The following KCNAB1 variants were observed in gnomAD, a reference collection of about 807,000 sequenced individuals.
The protein encoded by KCNAB1 is potassium voltage-gated channel subfamily A regulatory beta subunit 1.
In KCNAB1, 35 loss-of-function variants were observed where a neutral mutation model predicts 64.6. The observed-to-expected ratio is 0.54, with a 90% confidence interval of 0.41 to 0.72. KCNAB1 has a LOEUF of 0.72. Ranked by LOEUF, KCNAB1 falls within the 30% of genes least tolerant of loss-of-function variation. The pLI is 0.00. For missense variants in KCNAB1, 401 were observed against 512.9 expected, an observed-to-expected ratio of 0.78 and a Z score of 2.11; for synonymous variants, 177 against 183.8, an observed-to-expected ratio of 0.96 and a Z score of 0.30.
chr3:156,538,540 T>C lies in KCNAB1; in HGVS notation c.*1793T>C, dbSNP rs1221816369. On this transcript the variant is annotated 3_prime_UTR_variant, in exon 14 of 14. Transcript: ENST00000490337. ...ATAGAGGAGCTGAGGTGCTGTCTAA[T>C]GGGAAATGTGATTTGATTGATTTAT... The C allele has an allele frequency of 1.3e-5, 2 of 152,250 alleles. No homozygotes were observed. Among genetic ancestry groups the C allele is most frequent in the Non-Finnish European group, 2.9e-5 (2 of 68,028 alleles). 9.4% of individuals were successfully genotyped at this position (152,250 alleles called of 1,614,324 possible).
chr3:156,466,008 A>T (rs951821075), intron 7 of KCNAB1, among the ~76,000 whole-genome samples: 6 of 152,198 alleles, frequency 3.9e-5, no homozygotes, highest in African/African-American at 1.4e-4. Flanking sequence ...TTACCCATTT[A>T]AAGTGTACAT....
chr3:156,439,773 A>T (rs1469780688), intron 2 of KCNAB1, among the ~76,000 whole-genome samples: 1 of 152,210 alleles, frequency 6.6e-6, no homozygotes, highest in Non-Finnish European at 1.5e-5. Context: ...CCCTGGTGCC[A>T]GCAGGAAGAG....
At chr3:156,388,334 G>A (rs764021842) in intron 1 of KCNAB1, among the ~76,000 whole-genome samples, 37 of 152,336 alleles carry the variant, frequency 2.4e-4, no homozygotes, top group Non-Finnish European at 4.4e-4. Context: ...GAAGGTTGAT[G>A]AAGGCTCTGA....
At chr3:156,161,578 G>C (rs1346139026) in intron 1 of KCNAB1, among the ~76,000 whole-genome samples, 1 of 152,098 alleles carries the variant, frequency 6.6e-6, no homozygotes, top group East Asian at 1.9e-4. Context: ...GCTGATTTTG[G>C]ATCTAACTAG....
chr3:156,146,424 A>G (rs1441929070), intron 1 of KCNAB1, among the ~76,000 whole-genome samples: 1 of 152,228 alleles, frequency 6.6e-6, no homozygotes, highest in East Asian at 1.9e-4. Context: ...GCCTGAGTCA[A>G]GGTTAAAATA....
At chr3:156,182,568 T>C (rs974861541) in intron 1 of KCNAB1, among the ~76,000 whole-genome samples, 8 of 152,224 alleles carry the variant, frequency 5.3e-5, no homozygotes, top group Non-Finnish European at 8.8e-5. Context: ...TCCATTTTCT[T>C]AAGAAAATCA....
chr3:156,178,326 C>A (rs1000838400), intron 1 of KCNAB1, among the ~76,000 whole-genome samples: 1 of 152,286 alleles, frequency 6.6e-6, no homozygotes, highest in Admixed American at 6.5e-5. Flanking sequence ...GCAAGGAGAC[C>A]TCTACAATGA....
chr3:156,269,219 A>T (rs1718892821), intron 1 of KCNAB1, among the ~76,000 whole-genome samples: 1 of 152,138 alleles, frequency 6.6e-6, no homozygotes, highest in South Asian at 2.1e-4. Context: ...ATTGGTATAT[A>T]TGTCTGTTTT....
At chr3:156,153,768 G>A (rs1053389833) in intron 1 of KCNAB1, among the ~76,000 whole-genome samples, 13 of 152,166 alleles carry the variant, frequency 8.5e-5, no homozygotes, top group Non-Finnish European at 1.6e-4. Context: ...TGAGCCTTCC[G>A]GCTTTTGGGT....
At chr3:156,179,477 C>T (rs1412868796) in intron 1 of KCNAB1, among the ~76,000 whole-genome samples, 1 of 122,466 alleles carries the variant, frequency 8.2e-6, no homozygotes, top group Non-Finnish European at 1.6e-5. Context: ...GCTAATTGCT[C>T]GTTATTTCAC....
chr3:156,396,641 C>T (rs1344730977), intron 1 of KCNAB1, among the ~76,000 whole-genome samples: 1 of 152,254 alleles, frequency 6.6e-6, no homozygotes, highest in Non-Finnish European at 1.5e-5. Flanking sequence ...GACAAATACA[C>T]TGTTTAATAA....
At position 156,120,848 on chromosome 3, in the gene KCNAB1, C is replaced by G; in HGVS notation, c.237C>G (p.Ser79Arg). ...NWYLKLCDLS[S>R]EHTTVCTTGM... The stretch of plus-strand genomic sequence containing the variant: ...ACCTAAAGCTCTGCGACCTGTCCAG[C>G]GAGCACACCACCGTCTGCACCACAG... The change falls in exon 1 of 14, where the codon AGC becomes AGG. Residue 79 changes from serine (S) to arginine (R), a missense_variant. Coordinates refer to ENST00000490337, the MANE Select transcript of KCNAB1 (RefSeq NM_172160.3). 1 of 1,614,154 alleles carries G rather than the reference C, an allele frequency of 6.2e-7. No individual in the cohort carries two copies. Among genetic ancestry groups the G allele is most frequent in the Non-Finnish European group, 8.5e-7 (1 of 1,180,036 alleles).
At position 156,120,845 on chromosome 3, in the gene KCNAB1, C is replaced by A; in HGVS notation, c.234C>A (p.Ser78=). 1 of 1,614,174 alleles carries A rather than the reference C, an allele frequency of 6.2e-7. No individual in the cohort carries two copies. Among genetic ancestry groups the A allele is most frequent in the Non-Finnish European group, 8.5e-7 (1 of 1,180,038 alleles). ...GGTACCTAAAGCTCTGCGACCTGTC[C>A]AGCGAGCACACCACCGTCTGCACCA... ...MNWYLKLCDL[S]SEHTTVCTTG... Residue 78 remains serine, a synonymous_variant, in exon 1 of 14, where the codon TCC becomes TCA. Coordinates refer to ENST00000490337, the MANE Select transcript of KCNAB1 (RefSeq NM_172160.3).
chr3:156,455,661 A>G (rs1263194785), intron 3 of KCNAB1, among the ~76,000 whole-genome samples: 1 of 152,114 alleles, frequency 6.6e-6, no homozygotes, highest in African/African-American at 2.4e-5. Context: ...AATTATTATG[A>G]CTTTTACACT....
In KCNAB1 at chr3:156,517,588, A is replaced by G. The variant is rs180784481; in HGVS notation, c.960+1224A>G. Among the ~76,000 whole-genome samples, 12 of 152,302 alleles carry G rather than the reference A, an allele frequency of 7.9e-5. No individual in the cohort carries two copies. The East Asian group carries it at 2.3e-3, about 29-fold the overall frequency. ...CAAGAAGGGAGTGAAGAAGGAAGGAAAGGAAGAAGGGAAGCACTGAGAATT... is the reference window on the plus strand; with the variant it reads ...CAAGAAGGGAGTGAAGAAGGAAGGAGAGGAAGAAGGGAAGCACTGAGAATT... On this transcript the variant is annotated intron_variant, in intron 11 of 13. Transcript: ENST00000490337.
intron 1 of KCNAB1, among the ~76,000 whole-genome samples, chr3:156,144,048 A>G (rs530640616): frequency 2.2e-3 from 330 of 152,248 alleles, no homozygotes; most frequent in African/African-American, 7.3e-3. Flanking sequence ...TTCTTGGTAT[A>G]GGGTTGGATG....
intron 1 of KCNAB1, among the ~76,000 whole-genome samples, chr3:156,344,062 A>T (rs1416606300): frequency 6.6e-6 from 1 of 152,142 alleles, no homozygotes; most frequent in Non-Finnish European, 1.5e-5. Context: ...CTCTCTTAGC[A>T]AACCCCTCCA....
intron 1 of KCNAB1, among the ~76,000 whole-genome samples, chr3:156,158,828 G>A (rs1436255898): frequency 6.6e-6 from 1 of 152,146 alleles, no homozygotes. Context: ...TTCACTCCCA[G>A]AAGGAAAAAG....
intron 1 of KCNAB1, among the ~76,000 whole-genome samples, chr3:156,139,130 G>A (rs1198238839): frequency 1.3e-5 from 2 of 152,176 alleles, no homozygotes; most frequent in East Asian, 3.8e-4. Flanking sequence ...ACCACATTGA[G>A]CTTAAAATTG....
Sources: allele counts gnomAD v4.1 joint callset (sites outside exome capture counted in the v4.1 genomes callset), GRCh38; gene constraint gnomAD v4.1.1; transcripts MANE v1.5; gene names NCBI Gene and HGNC (gene_info 2026-07-23, HGNC 2026-07-21).